ST14: variants seen among roughly 807,000 people sequenced by gnomAD.
ST14 encodes ST14 transmembrane serine protease matriptase, also known as suppressor of tumorigenicity 14 protein.
ST14 carries 40 observed loss-of-function variants against 96.5 expected under a neutral mutation model. That is an observed-to-expected ratio of 0.41 (90% CI 0.32 to 0.54). The LOEUF is 0.54. Among genes scored for constraint, ST14 ranks in the 20% least tolerant of loss-of-function variants. ST14 has a pLI of 0.17. For synonymous variants in ST14, 506 were observed against 492.1 expected, an observed-to-expected ratio of 1.03 and a Z score of -0.37; for missense variants, 1,066 against 1,188.9, an observed-to-expected ratio of 0.90 and a Z score of 1.52.
chr11:130,190,174 C>G (rs1953282450), intron 6 of ST14, 26 bp downstream of exon 6: 1 of 1,614,200 alleles, frequency 6.2e-7, no homozygotes, highest in Non-Finnish European at 8.5e-7. Context: ...GCCTCCTCTT[C>G]TGGGTGGGGA....
chr11:130,190,557 G>A lies in ST14; in HGVS notation c.738G>A (p.Trp246Ter). Residue 246 changes from tryptophan to a stop codon, truncating the protein, a stop_gained, in exon 7 of 19, where the codon TGG becomes TGA. Coordinates refer to ENST00000278742, the MANE Select transcript of ST14 (RefSeq NM_021978.4). LOFTEE classifies it high-confidence loss of function. ...ACCCCGCTCATGCCCGCTGCCAGTG[G>A]GCCCTGCGGGGGGACGCCGACTCAG... ...SPYPAHARCQ[W>*]ALRGDADSVL... is the part of the protein sequence containing the mutation. 6.2e-7 allele frequency: 1 copy of A among 1,612,318 alleles called. No homozygotes were observed.
intron 1 of ST14, among the ~76,000 whole-genome samples, chr11:130,162,861 T>C (rs1953007729): frequency 6.6e-6 from 1 of 152,118 alleles, no homozygotes; most frequent in African/African-American, 2.4e-5. Context: ...TGCAGGCATC[T>C]GTGATGTGGT....
intron 16 of ST14, among the ~76,000 whole-genome samples, chr11:130,203,364 G>T (rs1342275947): frequency 6.6e-6 from 1 of 152,104 alleles, no homozygotes; most frequent in Non-Finnish European, 1.5e-5. Flanking sequence ...CACCTTGCTC[G>T]TCCTAGCTCA....
At chr11:130,194,414 A>T (rs1953337113) in intron 8 of ST14, 126 bp downstream of exon 8, 2 of 1,417,810 alleles carry the variant, frequency 1.4e-6, no homozygotes, top group South Asian at 2.4e-5. Context: ...GGCCTAGGTC[A>T]GCAGCAGAGG....
chr11:130,162,155 C>T (rs1023592137), intron 1 of ST14, among the ~76,000 whole-genome samples: 3 of 152,188 alleles, frequency 2.0e-5, no homozygotes, highest in Non-Finnish European at 2.9e-5. Context: ...CATCCGTGCA[C>T]CCTTGTTTGG....
At chr11:130,184,938 A>G (rs4937496) in intron 1 of ST14, among the ~76,000 whole-genome samples, 8,764 of 152,262 alleles carry the variant, frequency 0.058, 344 homozygotes, top group African/African-American at 0.11. Flanking sequence ...TAGTCTAACC[A>G]TTGGGAGTGC....
At chr11:130,165,191 G>A (rs748327332) in intron 1 of ST14, among the ~76,000 whole-genome samples, 20 of 152,196 alleles carry the variant, frequency 1.3e-4, no homozygotes, top group Non-Finnish European at 2.5e-4. Flanking sequence ...TGTGACATGC[G>A]GAACAGGGCT....
In ST14 at chr11:130,181,775, A is replaced by T. The variant is rs1953195730; in HGVS notation, c.82-6339A>T. ...TATCAATAAAACGATGGGATTATGC[A>T]ACAGTATCTCTGTTACACCTGAAAA... On this transcript the variant is annotated intron_variant, in intron 1 of 18. Coordinates refer to ENST00000278742, the MANE Select transcript of ST14 (RefSeq NM_021978.4). The surrounding 1 kb of genome is among the most constrained non-coding windows in gnomAD (Gnocchi z 4.1). 6.6e-6 allele frequency among the ~76,000 whole-genome samples: 1 copy of T among 152,230 alleles called. No homozygotes were observed. The highest frequency in any genetic ancestry group is 1.5e-5 in the Non-Finnish European group (1 of 68,040).
rs575542890 is a variant in ST14, at chr11:130,198,216, G to T, written c.1460-92G>T. 162 of 1,241,692 alleles carry T rather than the reference G, an allele frequency of 1.3e-4. No homozygotes were observed. In the African/African-American group the frequency reaches 2.3e-3, roughly 18 times the overall value. 76.9% of individuals were successfully genotyped at this position (1,241,692 alleles called of 1,614,324 possible). ...CTTGGGCCTCTCTGTAGATCAGAAA[G>T]CGGTCCCCAGGTAGCTCTGATCGCC... On this transcript the variant is annotated intron_variant, in intron 12 of 18. Coordinates refer to ENST00000278742, the MANE Select transcript of ST14 (RefSeq NM_021978.4).
rs372346848 is a variant in ST14, at chr11:130,198,502, C to G, written c.1571-6C>G. On this transcript the variant is annotated splice_polypyrimidine_tract_variant and splice_region_variant and intron_variant, in intron 13 of 18. Coordinates refer to ENST00000278742, the MANE Select transcript of ST14 (RefSeq NM_021978.4). ...TCCTGGTGGCTGAGTCCTGGTGCCT[C>G]TCCAGGTTGTCCGGCCCAGACCTTC... 2 of 1,613,982 alleles carry G rather than the reference C, an allele frequency of 1.2e-6. No homozygotes were observed. Among genetic ancestry groups the G allele is most frequent in the Non-Finnish European group, 1.7e-6 (2 of 1,179,962 alleles).
chr11:130,178,709 G>T (rs372208318), intron 1 of ST14, among the ~76,000 whole-genome samples: 1 of 152,172 alleles, frequency 6.6e-6, no homozygotes, highest in African/African-American at 2.4e-5. Context: ...GATGGGCTGG[G>T]GTTACAGATC....
chr11:130,197,217 A>G (rs1953376145), intron 11 of ST14, among the ~76,000 whole-genome samples: 1 of 152,220 alleles, frequency 6.6e-6, no homozygotes, highest in Non-Finnish European at 1.5e-5. Context: ...GGTAAAATTC[A>G]AGGGCCTGGC....
intron 7 of ST14, among the ~76,000 whole-genome samples, chr11:130,193,018 TA>T (rs955531432): frequency 2.6e-5 from 4 of 152,060 alleles, no homozygotes; most frequent in African/African-American, 9.7e-5. Flanking sequence ...ACCTCTGAGA[TA>T]GGGGTAATAG....
At position 130,188,390 on chromosome 11, in the gene ST14, G is replaced by A; in HGVS notation, c.241+117G>A. 6.3e-7 allele frequency: 1 copy of A among 1,584,296 alleles called. No individual in the cohort carries two copies. Among genetic ancestry groups the A allele is most frequent in the Non-Finnish European group, 8.6e-7 (1 of 1,162,456 alleles). ...ACACGAGGATCTCTTGGCCTCTCTG[G>A]AACCCTGATGGGGAGTGATGGGAAG... On this transcript the variant is annotated intron_variant, in intron 2 of 18. Coordinates refer to ENST00000278742, the MANE Select transcript of ST14 (RefSeq NM_021978.4). This position sits in a 1 kb window ranked among gnomAD's most constrained non-coding sequence, Gnocchi z 5.4.
chr11:130,183,521 A>T (rs943267472), intron 1 of ST14, among the ~76,000 whole-genome samples: 1 of 151,370 alleles, frequency 6.6e-6, no homozygotes, highest in Non-Finnish European at 1.5e-5. Flanking sequence ...AGCCTGGGCA[A>T]CATAGCAAGA....
Position 130,198,602 on chromosome 11 carries a change from C to G in ST14, c.1665C>G (p.Asp555Glu). ...AGGACGACTGTGGGGACGGGTCCGACGAGGCCTCCTGCCCCAAGGGTGAGG... is the reference window on the plus strand; with the variant it reads ...AGGACGACTGTGGGGACGGGTCCGAGGAGGCCTCCTGCCCCAAGGGTGAGG... ...NGKDDCGDGSDEASCPKVNVV... is the reference protein window; with the variant it reads ...NGKDDCGDGSEEASCPKVNVV... The change falls in exon 14 of 19, where the codon GAC (aspartate) becomes GAG (glutamate). Residue 555 changes from aspartate to glutamate, a missense_variant. Asp to Glu is a conservative substitution (Grantham distance 45). Transcript: ENST00000278742. The G allele has an allele frequency of 6.2e-7, 1 of 1,613,820 alleles. No homozygotes were observed. Among genetic ancestry groups the G allele is most frequent in the Non-Finnish European group, 8.5e-7 (1 of 1,179,946 alleles).
chr11:130,169,092 G>GTTT lies in ST14; in HGVS notation c.81+9052_81+9054dup, dbSNP rs59747710. 5.7e-3 allele frequency among the ~76,000 whole-genome samples: 645 copies of GTTT among 112,306 alleles called. 27 individuals carry two copies. Among genetic ancestry groups the GTTT allele is most frequent in the African/African-American group, 0.023 (550 of 23,742 alleles). 73.7% of individuals were successfully genotyped at this position (112,306 alleles called of 152,430 possible). A position where few individuals can be genotyped will look rare whatever the true frequency, so the allele number is the denominator to read the frequency against. On this transcript the variant is annotated intron_variant, in intron 1 of 18. Coordinates refer to ENST00000278742, the MANE Select transcript of ST14 (RefSeq NM_021978.4). Reference sequence around the variant, plus strand: ...ATTATTTATTTATATAATATAATGGGTTTTTTTTTTTTTTTTTTTTTTGAG... The same window carrying GTTT: ...ATTATTTATTTATATAATATAATGGGTTTTTTTTTTTTTTTTTTTTTTTTTGAG...
At position 130,199,066 on chromosome 11, in the gene ST14, T is replaced by A. The variant is rs1402801869; in HGVS notation, c.1804T>A (p.Cys602Ser). ...TAGCGACGGCTCAGATGAGAAGGAC[T>A]GCGGTGAGCAGGGCATCCGAGTACG... ...DCSDGSDEKD[C>S]DCGLRSFTRQ... The change falls in exon 15 of 19, where the codon TGC (cysteine) becomes AGC (serine). Residue 602 changes from cysteine to serine, a missense_variant. Physicochemically the swap from Cys to Ser is moderately radical, Grantham distance 112. Transcript: ENST00000278742. 1 of 1,613,434 alleles carries A rather than the reference T, an allele frequency of 6.2e-7. No individual in the cohort carries two copies. Among genetic ancestry groups the A allele is most frequent in the South Asian group, 1.1e-5 (1 of 91,048 alleles).
chr11:130,179,080 CCTG>C (rs1953166749), intron 1 of ST14, among the ~76,000 whole-genome samples: 1 of 152,166 alleles, frequency 6.6e-6, no homozygotes, highest in African/African-American at 2.4e-5. Flanking sequence ...AGCTTCTCCT[CCTG>C]GTGACAGGAA....
Sources: gnomAD v4.1 joint callset for allele counts (sites outside exome capture counted in the v4.1 genomes callset) on GRCh38, gnomAD v4.1.1 for gene constraint, Gnocchi (gnomAD v3.1) non-coding constraint, MANE v1.5 for transcripts, NCBI Gene and HGNC (gene_info 2026-07-23, HGNC 2026-07-21) for gene names.